The following GPR141 variants were observed in gnomAD, a reference collection of about 807,000 sequenced individuals.
GPR141 encodes G protein-coupled receptor 141, also known as probable G protein-coupled receptor 141.
GPR141 carries 6 observed loss-of-function variants against 6.8 expected under a neutral mutation model. The ratio of observed to expected loss-of-function variants is 0.88; its 90% CI spans 0.48 to 1.74. The LOEUF is 1.74. Ranked by LOEUF, GPR141 falls within the 40% of genes most tolerant of loss-of-function variation. The pLI, the probability that GPR141 is intolerant of heterozygous loss-of-function variation, is 0.01. For synonymous variants in GPR141, 140 were observed against 142.3 expected, an observed-to-expected ratio of 0.98 and a Z score of 0.11; for missense variants, 372 against 372.9, an observed-to-expected ratio of 1.00 and a Z score of 0.02.
chr7:37,686,546 C>G (rs1238341223), intron 2 of GPR141, among the ~76,000 whole-genome samples: 3 of 151,466 alleles, frequency 2.0e-5, no homozygotes, highest in Non-Finnish European at 2.9e-5. Context: ...GGAACTATGC[C>G]TTTGCTACCT....
At chr7:37,727,985 A>G (rs1245646868) in intron 2 of GPR141, among the ~76,000 whole-genome samples, 2 of 152,184 alleles carry the variant, frequency 1.3e-5, no homozygotes. Flanking sequence ...AGGTACATCA[A>G]ACTATTGGTA....
chr7:37,722,443 C>T (rs987641164), intron 2 of GPR141, among the ~76,000 whole-genome samples: 22 of 149,394 alleles, frequency 1.5e-4, no homozygotes, highest in South Asian at 1.3e-3. Flanking sequence ...AAAAAAAAGC[C>T]GGGCACAGTA....
intron 2 of GPR141, among the ~76,000 whole-genome samples, chr7:37,714,374 T>G (rs964834065): frequency 3.3e-5 from 5 of 152,226 alleles, no homozygotes; most frequent in Admixed American, 6.5e-5. Flanking sequence ...CCTAAAGAAC[T>G]ATATTTCTTT....
intron 2 of GPR141, among the ~76,000 whole-genome samples, chr7:37,733,240 A>G (rs1043345870): frequency 3.3e-5 from 5 of 152,180 alleles, no homozygotes; most frequent in African/African-American, 1.2e-4. Context: ...CTGGCAAGGA[A>G]TGTTATTATA....
chr7:37,695,601 A>C (rs888586445), intron 2 of GPR141, among the ~76,000 whole-genome samples: 1 of 152,170 alleles, frequency 6.6e-6, no homozygotes, highest in South Asian at 2.1e-4. Flanking sequence ...TCCGTTCTCT[A>C]TGTGGGTATC....
intron 2 of GPR141, among the ~76,000 whole-genome samples, chr7:37,700,368 T>G (rs1344929589): frequency 6.6e-6 from 1 of 152,208 alleles, no homozygotes; most frequent in East Asian, 1.9e-4. Context: ...AATTTCCTTT[T>G]TATAGATTCT....
At chr7:37,722,457 C>T (rs1422840723) in intron 2 of GPR141, among the ~76,000 whole-genome samples, 2 of 150,596 alleles carry the variant, frequency 1.3e-5, no homozygotes, top group African/African-American at 4.9e-5. Flanking sequence ...CACAGTAGCT[C>T]ACCCCTCTAA....
intron 2 of GPR141, among the ~76,000 whole-genome samples, chr7:37,713,755 G>A (rs539415324): frequency 1.3e-5 from 2 of 152,118 alleles, no homozygotes; most frequent in African/African-American, 2.4e-5. Flanking sequence ...ATATATTTAC[G>A]TGACTGAGAC....
intron 2 of GPR141, among the ~76,000 whole-genome samples, chr7:37,711,926 C>T (rs184911897): frequency 1.4e-4 from 22 of 152,328 alleles, no homozygotes; most frequent in African/African-American, 4.8e-4. Flanking sequence ...GTTTAGAAAA[C>T]TCAGTCCTGT....
At chr7:37,702,523 G>A (rs10275014) in intron 2 of GPR141, among the ~76,000 whole-genome samples, 1 of 151,408 alleles carries the variant, frequency 6.6e-6, no homozygotes, top group Non-Finnish European at 1.5e-5. Flanking sequence ...TTAAGAAAAC[G>A]GAAGTTAAAT....
At chr7:37,728,526 C>G (rs913318628) in intron 2 of GPR141, among the ~76,000 whole-genome samples, 1 of 152,042 alleles carries the variant, frequency 6.6e-6, no homozygotes. Flanking sequence ...ATTTTGTAGG[C>G]TGGTCTCTGA....
intron 2 of GPR141, among the ~76,000 whole-genome samples, chr7:37,723,645 A>G (rs1474351062): frequency 6.6e-6 from 1 of 152,156 alleles, no homozygotes; most frequent in African/African-American, 2.4e-5. Context: ...AGTTACCAGC[A>G]TTGTTGGATA....
intron 2 of GPR141, among the ~76,000 whole-genome samples, chr7:37,708,231 C>A (rs1183517466): frequency 1.4e-5 from 1 of 71,770 alleles, no homozygotes; most frequent in Non-Finnish European, 2.8e-5. Context: ...AGTCATTGAG[C>A]TCAGCTCAGA....
chr7:37,716,893 C>T (rs1583552970), intron 2 of GPR141, among the ~76,000 whole-genome samples: 1 of 152,202 alleles, frequency 6.6e-6, no homozygotes, highest in Non-Finnish European at 1.5e-5. Context: ...TTCTTTGTTT[C>T]TAGGTATTAA....
chr7:37,695,014 G>A (rs1352069837), intron 2 of GPR141, among the ~76,000 whole-genome samples: 1 of 152,206 alleles, frequency 6.6e-6, no homozygotes, highest in Non-Finnish European at 1.5e-5. Flanking sequence ...TGAAGGCAGG[G>A]CACAGCCACG....
At chr7:37,696,829 C>T (rs1810036426) in intron 2 of GPR141, among the ~76,000 whole-genome samples, 1 of 152,080 alleles carries the variant, frequency 6.6e-6, no homozygotes, top group Non-Finnish European at 1.5e-5. Context: ...TGCCTACTCT[C>T]TCTCTCCTCT....
chr7:37,727,006 C>T (rs569103962), intron 2 of GPR141, among the ~76,000 whole-genome samples: 31 of 152,234 alleles, frequency 2.0e-4, no homozygotes, highest in East Asian at 5.8e-4. Context: ...AGTTAAACTG[C>T]GAGGACTTTG....
intron 2 of GPR141, among the ~76,000 whole-genome samples, chr7:37,718,097 A>G (rs990493828): frequency 2.2e-4 from 33 of 152,124 alleles, no homozygotes; most frequent in African/African-American, 7.7e-4. Flanking sequence ...TTTGGTGTTT[A>G]CTAGGTATCT....
intron 2 of GPR141, among the ~76,000 whole-genome samples, chr7:37,720,532 G>A (rs1562781922): frequency 6.6e-6 from 1 of 152,162 alleles, no homozygotes; most frequent in Non-Finnish European, 1.5e-5. Context: ...ACAAGGTCAG[G>A]AGATCGAGAC....
Sources: allele counts gnomAD v4.1 joint callset (sites outside exome capture counted in the v4.1 genomes callset), GRCh38; gene constraint gnomAD v4.1.1; transcripts MANE v1.5; gene names NCBI Gene and HGNC (gene_info 2026-07-23, HGNC 2026-07-21).